The following FGFR1 variants were observed in gnomAD, a reference collection of about 807,000 sequenced individuals.
FGFR1 encodes FGFR1/PLAG1 fusion.
Under a neutral mutation model 93.7 loss-of-function variants are expected in FGFR1, and 18 were observed. That is an observed-to-expected ratio of 0.19 (90% CI 0.13 to 0.28). FGFR1 has a LOEUF of 0.28. Among genes scored for constraint, FGFR1 ranks in the 10% least tolerant of loss-of-function variants. The pLI is 1.00. For missense variants in FGFR1, 731 were observed against 1,080.4 expected (o/e 0.68, Z 4.53); for synonymous variants, 448 against 429.3 (o/e 1.04, Z -0.54).
intron 1 of FGFR1, among the ~76,000 whole-genome samples, chr8:38,459,976 G>T (rs1011157255): frequency 1.3e-5 from 2 of 152,170 alleles, no homozygotes; most frequent in Non-Finnish European, 2.9e-5. Context: ...CTGAGGTGGG[G>T]AGTTGAGACC....
At chr8:38,457,950 T>C (rs1385134524) in intron 1 of FGFR1, among the ~76,000 whole-genome samples, 1 of 152,120 alleles carries the variant, frequency 6.6e-6, no homozygotes, top group African/African-American at 2.4e-5. Context: ...ACCACTGCAC[T>C]CCAACCTGGG....
At position 38,429,483 on chromosome 8, in the gene FGFR1, TG is replaced by T; in HGVS notation, c.358+198del. 1 of 720,372 alleles carries T rather than the reference TG, an allele frequency of 1.4e-6. No individual in the cohort carries two copies. The highest frequency in any genetic ancestry group is 2.5e-6 in the Non-Finnish European group (1 of 405,612). The allele number at this position is 720,372 out of a possible 1,614,324, so 44.6% of individuals were successfully genotyped here. The stretch of plus-strand genomic sequence containing the variant: ...CCTGGAAGCCCCAGATCTCCGGCCC[TG>T]GGGCCCACCCCACCTAGTCACCTCT... On this transcript the variant is annotated intron_variant, in intron 3 of 17. Coordinates refer to ENST00000447712, the MANE Select transcript of FGFR1 (RefSeq NM_023110.3). The surrounding 1 kb of genome is among the most constrained non-coding windows in gnomAD (Gnocchi z 4.4).
At chr8:38,467,683 C>CG in intron 1 of FGFR1, 1 of 233,610 alleles carries the variant, frequency 4.3e-6, no homozygotes, top group African/African-American at 2.2e-5. Flanking sequence ...GAGGAGCCGC[C>CG]GCCGCCTCGC....
intron 2 of FGFR1, among the ~76,000 whole-genome samples, chr8:38,441,426 G>A (rs1827419053): frequency 6.6e-6 from 1 of 152,146 alleles, no homozygotes; most frequent in Admixed American, 6.5e-5. Context: ...ATGCACCCAA[G>A]AGTTGTCTGA....
At chr8:38,450,427 T>C (rs147239459) in intron 2 of FGFR1, among the ~76,000 whole-genome samples, 1 of 152,086 alleles carries the variant, frequency 6.6e-6, no homozygotes, top group Non-Finnish European at 1.5e-5. Context: ...ATTGTGAAAA[T>C]AGGGCCAGCT....
chr8:38,456,033 A>G (rs374992628), intron 2 of FGFR1, among the ~76,000 whole-genome samples: 12 of 152,114 alleles, frequency 7.9e-5, no homozygotes, highest in African/African-American at 2.9e-4. Flanking sequence ...TAGCCACTGC[A>G]CCTTCTATAA....
rs1443671007 is a variant in FGFR1, at chr8:38,468,257, C to G, written c.-365G>C. On this transcript the variant is annotated 5_prime_UTR_variant, in exon 1 of 18. Transcript: ENST00000447712. ...CCGGGGTCTCCAGACCTTGTGCCCC[C>G]CTCCTCCAGAACGCAGCGGCGGCGC... 4.4e-6 allele frequency: 1 copy of G among 228,520 alleles called. No individual in the cohort carries two copies. Among genetic ancestry groups the G allele is most frequent in the Non-Finnish European group, 8.7e-6 (1 of 114,970 alleles). The allele number at this position is 228,520 out of a possible 1,614,324, so 14.2% of individuals were successfully genotyped here. A position where few individuals can be genotyped will look rare whatever the true frequency, so the allele number is the denominator to read the frequency against.
At chr8:38,421,545 T>C (rs1011523592) in intron 8 of FGFR1, 49 of 558,672 alleles carry the variant, frequency 8.8e-5, no homozygotes, top group African/African-American at 5.1e-4. Context: ...CGGGCATGCA[T>C]TGCAATGGCC....
intron 4 of FGFR1, 99 bp downstream of exon 4, chr8:38,428,247 C>T: frequency 6.8e-7 from 1 of 1,465,210 alleles, no homozygotes; most frequent in Non-Finnish European, 9.6e-7. Flanking sequence ...GCACCGTGAC[C>T]CCATGTGCCC....
At chr8:38,448,513 C>G (rs1179630006) in intron 2 of FGFR1, among the ~76,000 whole-genome samples, 2 of 152,124 alleles carry the variant, frequency 1.3e-5, no homozygotes, top group African/African-American at 2.4e-5. Context: ...AGGAGTGAGC[C>G]ACCGCGCCCA....
chr8:38,448,403 C>T (rs1372834234), intron 2 of FGFR1, among the ~76,000 whole-genome samples: 1 of 152,064 alleles, frequency 6.6e-6, no homozygotes, highest in African/African-American at 2.4e-5. Flanking sequence ...CTTCAGCCAC[C>T]TGAGTAGATG....
intron 9 of FGFR1, among the ~76,000 whole-genome samples, chr8:38,419,321 T>C (rs1215141175): frequency 6.6e-6 from 1 of 152,204 alleles, no homozygotes; most frequent in Non-Finnish European, 1.5e-5. Context: ...TCCGGAGGAC[T>C]TGCAGTGTGA....
Position 38,418,565 on chromosome 8 carries a change from C to G in FGFR1, c.1285-192G>C, listed in dbSNP as rs146235930. On this transcript the variant is annotated intron_variant, in intron 9 of 17. Transcript: ENST00000447712. Reference sequence around the variant, plus strand: ...ACTTCTAGGACTGACCTATTTCTGCCACAAGCTGGCCTTTCTGGACTTCAC... The same window carrying G: ...ACTTCTAGGACTGACCTATTTCTGCGACAAGCTGGCCTTTCTGGACTTCAC... The G allele has an allele frequency of 6.3e-6, 4 of 634,094 alleles. No homozygotes were observed. The African/African-American group carries it at 7.3e-5, about 12-fold the overall frequency. 39.3% of individuals were successfully genotyped at this position (634,094 alleles called of 1,614,324 possible).
At chr8:38,456,668 A>C (rs1432277482) in intron 2 of FGFR1, among the ~76,000 whole-genome samples, 1 of 152,178 alleles carries the variant, frequency 6.6e-6, no homozygotes, top group Non-Finnish European at 1.5e-5. Flanking sequence ...GGATCATGCA[A>C]TCTTCCTGTC....
chr8:38,414,908 A>T lies in FGFR1; in HGVS notation c.1855-7T>A. The T allele has an allele frequency of 6.2e-7, 1 of 1,611,410 alleles. No individual in the cohort carries two copies. Among genetic ancestry groups the T allele is most frequent in the South Asian group, 1.1e-5 (1 of 91,020 alleles). On this transcript the variant is annotated splice_region_variant and splice_polypyrimidine_tract_variant and intron_variant, in intron 13 of 17. Transcript: ENST00000447712. Reference sequence around the variant, plus strand: ...CCAGGTCTCGGTGTATGCACTGAGGAAGGAGGAAGGGAGAGCGGGAGGCGG... The same window carrying T: ...CCAGGTCTCGGTGTATGCACTGAGGTAGGAGGAAGGGAGAGCGGGAGGCGG...
At chr8:38,444,952 G>C (rs1481382688) in intron 2 of FGFR1, among the ~76,000 whole-genome samples, 1 of 152,168 alleles carries the variant, frequency 6.6e-6, no homozygotes. Context: ...GCCAGAGAGA[G>C]TACCTGAAGA....
At chr8:38,453,285 C>T (rs186633016) in intron 2 of FGFR1, among the ~76,000 whole-genome samples, 5 of 152,336 alleles carry the variant, frequency 3.3e-5, no homozygotes, top group African/African-American at 1.2e-4. Context: ...ACATGCTCCT[C>T]GCCATGTGCC....
At chr8:38,451,108 A>G (rs545459714) in intron 2 of FGFR1, among the ~76,000 whole-genome samples, 1 of 152,288 alleles carries the variant, frequency 6.6e-6, no homozygotes, top group African/African-American at 2.4e-5. Flanking sequence ...CTTGTTCTCA[A>G]GAGGGTCATC....
chr8:38,432,160 TCCC>T, intron 2 of FGFR1, among the ~76,000 whole-genome samples: 1 of 152,012 alleles, frequency 6.6e-6, no homozygotes, highest in East Asian at 1.9e-4. Context: ...GGCATTTATT[TCCC>T]CCCAAGAGAA....
Sources: gnomAD v4.1 joint callset for allele counts (sites outside exome capture counted in the v4.1 genomes callset) on GRCh38, gnomAD v4.1.1 for gene constraint, Gnocchi (gnomAD v3.1) non-coding constraint, MANE v1.5 for transcripts, NCBI Gene and HGNC (gene_info 2026-07-23, HGNC 2026-07-21) for gene names.